MYO3B: variants seen among roughly 807,000 people sequenced by gnomAD.
MYO3B encodes myosin IIIB.
A neutral mutation model predicts 174.6 loss-of-function variants in MYO3B; 156 were observed. That is an observed-to-expected ratio of 0.89 (90% CI 0.78 to 1.02). MYO3B has a LOEUF of 1.02. Among genes scored for constraint, MYO3B ranks in the 50% least tolerant of loss-of-function variants. The probability of loss-of-function intolerance (pLI) is 0.00; values close to 1 mark genes in which losing one functional copy is unlikely to be tolerated. For missense variants in MYO3B, 1,632 were observed against 1,639.4 expected (o/e 1.00, Z 0.08); for synonymous variants, 563 against 569.1 (o/e 0.99, Z 0.15).
intron 30 of MYO3B, among the ~76,000 whole-genome samples, chr2:170,520,201 A>G (rs1319192084): frequency 6.6e-6 from 1 of 152,048 alleles, no homozygotes; most frequent in African/African-American, 2.4e-5. Flanking sequence ...TAATGGGCAG[A>G]AGCCTGTGAT....
chr2:170,605,064 T>C (rs1463661173), intron 32 of MYO3B, among the ~76,000 whole-genome samples: 1 of 152,210 alleles, frequency 6.6e-6, no homozygotes, highest in Non-Finnish European at 1.5e-5. Context: ...CTTTGGGTCC[T>C]ACCGCTCTCC....
At chr2:170,538,111 C>T (rs1018463864) in intron 30 of MYO3B, among the ~76,000 whole-genome samples, 2 of 152,072 alleles carry the variant, frequency 1.3e-5, no homozygotes, top group Admixed American at 6.5e-5. Flanking sequence ...TGTCTCAACG[C>T]CTATCCAAGC....
In MYO3B at chr2:170,236,753, G is replaced by A. The variant is rs111890139; in HGVS notation, c.749+617G>A. Among the ~76,000 whole-genome samples, 449 of 152,280 alleles carry A rather than the reference G, an allele frequency of 2.9e-3. 4 individuals carry two copies. The highest frequency in any genetic ancestry group is 6.1e-3 in the Admixed American group (93 of 15,302). On this transcript the variant is annotated intron_variant, in intron 7 of 34. Coordinates refer to ENST00000408978, the MANE Select transcript of MYO3B (RefSeq NM_138995.5). ...TCGGGCTGATGTATGGCCAGCTCAC[G>A]GCTCTAGTTATGGAATATGAAGCTA... is the stretch of plus-strand genomic sequence containing the variant.
intron 1 of MYO3B, among the ~76,000 whole-genome samples, chr2:170,179,923 A>G (rs2092376536): frequency 6.6e-6 from 1 of 152,214 alleles, no homozygotes; most frequent in East Asian, 1.9e-4. Context: ...TTCACAGTTC[A>G]GGTTTCCGAT....
At chr2:170,460,349 G>A (rs1036111939) in intron 23 of MYO3B, among the ~76,000 whole-genome samples, 2 of 151,948 alleles carry the variant, frequency 1.3e-5, no homozygotes, top group Non-Finnish European at 2.9e-5. Flanking sequence ...TTAGCCAGGC[G>A]TGGTGGTGTG....
At chr2:170,431,605 C>G (rs1200011146) in intron 22 of MYO3B, among the ~76,000 whole-genome samples, 2 of 152,158 alleles carry the variant, frequency 1.3e-5, no homozygotes, top group African/African-American at 4.8e-5. Context: ...GTTAATTATG[C>G]AGAAATTCCT....
chr2:170,314,218 C>T lies in MYO3B; in HGVS notation c.750-21167C>T, dbSNP rs2093758961. On this transcript the variant is annotated intron_variant, in intron 7 of 34. Coordinates refer to ENST00000408978, the MANE Select transcript of MYO3B (RefSeq NM_138995.5). ...TCCCCAGAAGGACCTTGAGCCAGGTCCTTCTTTGCCTATTTTGCCTATTTT... is the reference window on the plus strand; with the variant it reads ...TCCCCAGAAGGACCTTGAGCCAGGTTCTTCTTTGCCTATTTTGCCTATTTT... Among the ~76,000 whole-genome samples the T allele has an allele frequency of 3.3e-5, 5 of 152,238 alleles. No homozygotes were observed. In the South Asian group the frequency reaches 8.3e-4, roughly 25 times the overall value.
At chr2:170,212,215 C>T (rs1353610148) in intron 3 of MYO3B, among the ~76,000 whole-genome samples, 1 of 150,958 alleles carries the variant, frequency 6.6e-6, no homozygotes, top group Non-Finnish European at 1.5e-5. Flanking sequence ...TGCACTCCAG[C>T]CTGGGCAAAA....
chr2:170,260,640 C>T (rs2093338741), intron 7 of MYO3B, among the ~76,000 whole-genome samples: 1 of 152,196 alleles, frequency 6.6e-6, no homozygotes, highest in African/African-American at 2.4e-5. Context: ...GTATCCCAAA[C>T]TGAAGCATCA....
At chr2:170,228,449 T>C in intron 6 of MYO3B, among the ~76,000 whole-genome samples, 1 of 152,218 alleles carries the variant, frequency 6.6e-6, no homozygotes, top group East Asian at 1.9e-4. Flanking sequence ...CAAGCAAATG[T>C]GCTCCTTCAC....
At chr2:170,390,092 T>A (rs1383542941) in intron 14 of MYO3B, among the ~76,000 whole-genome samples, 1 of 152,160 alleles carries the variant, frequency 6.6e-6, no homozygotes, top group Non-Finnish European at 1.5e-5. Flanking sequence ...TTTATATATA[T>A]CCTATAACAT....
chr2:170,634,326 C>T (rs1401670828), intron 32 of MYO3B, among the ~76,000 whole-genome samples: 1 of 152,042 alleles, frequency 6.6e-6, no homozygotes, highest in Admixed American at 6.6e-5. Context: ...CATCTACAAC[C>T]ATCTGATCTT....
intron 32 of MYO3B, among the ~76,000 whole-genome samples, chr2:170,570,614 T>C (rs1177696116): frequency 1.3e-5 from 2 of 152,204 alleles, no homozygotes; most frequent in Non-Finnish European, 2.9e-5. Context: ...TACTCAGTGT[T>C]GTAAGACACG....
chr2:170,630,805 A>G (rs956987499), intron 32 of MYO3B, among the ~76,000 whole-genome samples: 2 of 152,222 alleles, frequency 1.3e-5, no homozygotes, highest in Non-Finnish European at 2.9e-5. Flanking sequence ...CAGACCTGCA[A>G]CTGAGGGACC....
intron 8 of MYO3B, among the ~76,000 whole-genome samples, chr2:170,361,446 A>G (rs921836245): frequency 1.3e-5 from 2 of 152,220 alleles, no homozygotes; most frequent in African/African-American, 4.8e-5. Context: ...CCAGTTAACA[A>G]TCCTTAAGAC....
At chr2:170,392,705 C>T (rs1232926995) in intron 16 of MYO3B, among the ~76,000 whole-genome samples, 1 of 152,138 alleles carries the variant, frequency 6.6e-6, no homozygotes, top group Non-Finnish European at 1.5e-5. Context: ...TGAGGTCTAT[C>T]CAAGAATGAC....
Position 170,519,444 on chromosome 2 carries a change from G to A in MYO3B, c.3479G>A (p.Arg1160Lys). Residue 1160 changes from arginine (R) to lysine (K), a missense_variant, in exon 30 of 35, where the codon AGG (arginine) becomes AAG (lysine). Arg to Lys is a conservative substitution (Grantham distance 26, BLOSUM62 2). Coordinates refer to ENST00000408978, the MANE Select transcript of MYO3B (RefSeq NM_138995.5). ...CSEPGDHKVL[R>K]GSVHRRSHSQ... ...CTCCTTTCTTTTCTCTCAGTTCTCAGGGGCTCTGTACATCGTAGGAGCCAT... is the reference window on the plus strand; with the variant it reads ...CTCCTTTCTTTTCTCTCAGTTCTCAAGGGCTCTGTACATCGTAGGAGCCAT... 10 of 1,613,298 alleles carry A rather than the reference G, an allele frequency of 6.2e-6. No homozygotes were observed. The highest frequency in any genetic ancestry group is 8.5e-6 in the Non-Finnish European group (10 of 1,179,564).
intron 30 of MYO3B, among the ~76,000 whole-genome samples, chr2:170,529,665 C>T (rs959905362): frequency 4.6e-5 from 7 of 152,144 alleles, no homozygotes; most frequent in African/African-American, 1.7e-4. Flanking sequence ...TATTATATTC[C>T]CGCTCAGAAT....
intron 8 of MYO3B, chr2:170,344,476 G>A (rs1208783913): frequency 7.3e-6 from 1 of 137,916 alleles, no homozygotes; most frequent in Non-Finnish European, 1.6e-5. Flanking sequence ...GGTTGGGGGG[G>A]TGGGGGGCGG....
Sources: gnomAD v4.1 joint callset for allele counts (sites outside exome capture counted in the v4.1 genomes callset) on GRCh38, gnomAD v4.1.1 for gene constraint, MANE v1.5 for transcripts, NCBI Gene and HGNC (gene_info 2026-07-23, HGNC 2026-07-21) for gene names.